Variants in PTPRU observed in about 807,000 individuals in gnomAD.
PTPRU encodes the protein protein tyrosine phosphatase receptor type U.
In PTPRU, 69 loss-of-function variants were observed where a neutral mutation model predicts 166.3. The observed-to-expected ratio is 0.41, with a 90% CI of 0.34 to 0.51. The LOEUF is 0.51. Ranked by LOEUF, PTPRU falls within the 20% of genes least tolerant of loss-of-function variation. The pLI, the probability that PTPRU is intolerant of heterozygous loss-of-function variation, is 0.09. For synonymous variants in PTPRU, 793 were observed against 814.0 expected (o/e 0.97, Z 0.44); for missense variants, 1,657 against 2,013.7 (o/e 0.82, Z 3.39).
rs776375990 is a variant in PTPRU at position 29,305,414 on chromosome 1, G to A, written c.2806G>A (p.Ala936Thr). The A allele has an allele frequency of 2.5e-6, 4 of 1,613,676 alleles. No homozygotes were observed. The East Asian group carries it at 8.9e-5, about 36-fold the overall frequency. Reference sequence around the variant, plus strand: ...AGACCCCAATGCCGACTACATTAATGCCAACTACATAGATGTGAGTGCCTT... The same window carrying A: ...AGACCCCAATGCCGACTACATTAATACCAACTACATAGATGTGAGTGCCTT... ...LGDPNADYIN[A>T]NYIDGYHRSN... The change falls in exon 18 of 30, where the codon GCC becomes ACC. Residue 936 changes from alanine to threonine, a missense_variant. Around this residue, in one of 3 missense-constraint regions of PTPRU, gnomAD observed 1,190 missense variants for 1,477.4 expected, o/e 0.81. Coordinates refer to ENST00000373779, the MANE Select transcript of PTPRU (RefSeq NM_133178.4).
chr1:29,279,150 GA>G lies in PTPRU; in HGVS notation c.1563+30del. 1 of 1,511,784 alleles carries G rather than the reference GA, an allele frequency of 6.6e-7. No individual in the cohort carries two copies. Among genetic ancestry groups the G allele is most frequent in the Non-Finnish European group, 9.0e-7 (1 of 1,110,148 alleles). 93.6% of individuals were successfully genotyped at this position (1,511,784 alleles called of 1,614,324 possible). ...GGTTTGGGACCCTATTACAGTGGGG[GA>G]CCCTGGTGGAAGGTGAGAGGTGGCC... is the stretch of plus-strand genomic sequence containing the variant. On this transcript the variant is annotated intron_variant, in intron 9 of 29. Coordinates refer to ENST00000373779, the MANE Select transcript of PTPRU (RefSeq NM_133178.4). The surrounding 1 kb of genome is among the most constrained non-coding windows in gnomAD (Gnocchi z 5.2).
At chr1:29,290,614 C>G (rs974013132) in intron 14 of PTPRU, among the ~76,000 whole-genome samples, 4 of 152,240 alleles carry the variant, frequency 2.6e-5, no homozygotes, top group Non-Finnish European at 5.9e-5. Context: ...CTGGACAGCT[C>G]CTTACCTTAG....
rs1279322068 is a variant in PTPRU, at chr1:29,257,418, G to T, written c.206-1087G>T. ...TCCCTGGGGAGCCCTCCTGGAGCGG[G>T]GATCTGAGTGAGCTTGTGTTGGCTG... On this transcript the variant is annotated intron_variant, in intron 2 of 29. Coordinates refer to ENST00000373779, the MANE Select transcript of PTPRU (RefSeq NM_133178.4). This position sits in a 1 kb window ranked among gnomAD's most constrained non-coding sequence, Gnocchi z 4.6. Among the ~76,000 whole-genome samples, 1 of 152,154 alleles carries T rather than the reference G, an allele frequency of 6.6e-6. No homozygotes were observed. The highest frequency in any genetic ancestry group is 2.4e-5 in the African/African-American group (1 of 41,426).
chr1:29,324,781 T>C (rs61442100), intron 28 of PTPRU, among the ~76,000 whole-genome samples: 5,854 of 152,230 alleles, frequency 0.038, 296 homozygotes, highest in African/African-American at 0.11. Flanking sequence ...CTGGGTTCCC[T>C]AGCCCCGCCC....
In PTPRU at chr1:29,316,087, C is replaced by T. The variant is rs1687888324; in HGVS notation, c.3449C>T (p.Thr1150Ile). ...TTIPVSEFKATYKEMIRIDPQ... is the reference protein window; with the variant it reads ...TTIPVSEFKAIYKEMIRIDPQ... ...ATCCCTGTCAGTGAGTTCAAGGCCA[C>T]CTACAAGGAGATGATCCGCATTGAT... Residue 1150 changes from threonine (T) to isoleucine (I), a missense_variant, in exon 24 of 30, where the codon ACC becomes ATC. Physicochemically the swap from Thr to Ile is moderately conservative, Grantham distance 89. Coordinates refer to ENST00000373779, the MANE Select transcript of PTPRU (RefSeq NM_133178.4). 1.9e-6 allele frequency: 3 copies of T among 1,614,060 alleles called. No homozygotes were observed. Among genetic ancestry groups the T allele is most frequent in the African/African-American group, 2.7e-5 (2 of 74,914 alleles).
In PTPRU at chr1:29,311,583, G is replaced by T. The variant is rs748828693; in HGVS notation, c.2955+30G>T. 12 of 1,613,914 alleles carry T rather than the reference G, an allele frequency of 7.4e-6. No individual in the cohort carries two copies. Among genetic ancestry groups the T allele is most frequent in the South Asian group, 2.2e-5 (2 of 91,080 alleles). Reference sequence around the variant, plus strand: ...GCCGGGCTGTGGGGCGAGCTGGGGCGCATGGCAGGCCAAGGGGGCAGCAAA... The same window carrying T: ...GCCGGGCTGTGGGGCGAGCTGGGGCTCATGGCAGGCCAAGGGGGCAGCAAA... On this transcript the variant is annotated intron_variant, in intron 20 of 29. Coordinates refer to ENST00000373779, the MANE Select transcript of PTPRU (RefSeq NM_133178.4). The surrounding 1 kb of genome is among the most constrained non-coding windows in gnomAD (Gnocchi z 4.1).
At chr1:29,304,567 TC>T (rs1221027615) in intron 16 of PTPRU, among the ~76,000 whole-genome samples, 30 of 152,028 alleles carry the variant, frequency 2.0e-4, no homozygotes, top group Non-Finnish European at 7.4e-5. Context: ...TCATTTCCCT[TC>T]CCCCCACATG....
chr1:29,273,550 T>C (rs1328652598), intron 7 of PTPRU, among the ~76,000 whole-genome samples: 1 of 152,176 alleles, frequency 6.6e-6, no homozygotes, highest in Non-Finnish European at 1.5e-5. Flanking sequence ...ATTACAGGTG[T>C]GAGCCACCAC....
At chr1:29,303,314 C>A (rs762116680) in intron 15 of PTPRU, among the ~76,000 whole-genome samples, 2 of 152,232 alleles carry the variant, frequency 1.3e-5, no homozygotes, top group African/African-American at 2.4e-5. Flanking sequence ...CCCACTCCCC[C>A]ACTGGCTGCG....
chr1:29,307,159 C>G, intron 18 of PTPRU: 1 of 1,612,062 alleles, frequency 6.2e-7, no homozygotes, highest in Non-Finnish European at 8.5e-7. Flanking sequence ...AAGTATCTCT[C>G]TCCCCTTCTC....
intron 15 of PTPRU, among the ~76,000 whole-genome samples, chr1:29,303,585 T>A (rs899631964): frequency 2.0e-5 from 3 of 152,170 alleles, no homozygotes; most frequent in Admixed American, 6.5e-5. Flanking sequence ...AGTGAGGGGA[T>A]AATGAAATCT....
intron 13 of PTPRU, among the ~76,000 whole-genome samples, 183 bp from the exon 14 acceptor site, chr1:29,284,548 C>T (rs1248238735): frequency 1.3e-5 from 2 of 152,056 alleles, no homozygotes; most frequent in Non-Finnish European, 1.5e-5. Flanking sequence ...AGGACTGTGG[C>T]GTGGAAGTGC....
Position 29,311,596 on chromosome 1 carries a change from A to G in PTPRU, c.2955+43A>G, listed in dbSNP as rs757431386. ...GCGAGCTGGGGCGCATGGCAGGCCA[A>G]GGGGGCAGCAAAGAGCCCACTGAGT... On this transcript the variant is annotated intron_variant, in intron 20 of 29. Coordinates refer to ENST00000373779, the MANE Select transcript of PTPRU (RefSeq NM_133178.4). This position sits in a 1 kb window ranked among gnomAD's most constrained non-coding sequence, Gnocchi z 4.1. 25 of 1,613,912 alleles carry G rather than the reference A, an allele frequency of 1.5e-5. No homozygotes were observed. The South Asian group carries it at 2.7e-4, about 18-fold the overall frequency.
At position 29,315,199 on chromosome 1, in the gene PTPRU, C is replaced by T. The variant is rs537686386; in HGVS notation, c.3228-173C>T. Among the ~76,000 whole-genome samples, 2 of 152,278 alleles carry T rather than the reference C, an allele frequency of 1.3e-5. No individual in the cohort carries two copies. Among genetic ancestry groups the T allele is most frequent in the African/African-American group, 4.8e-5 (2 of 41,552 alleles). On this transcript the variant is annotated intron_variant, in intron 22 of 29. Transcript: ENST00000373779. The surrounding 1 kb of genome is among the most constrained non-coding windows in gnomAD (Gnocchi z 4.5). Reference sequence around the variant, plus strand: ...TGTCCTCTAGCACATTTCACTAGAGCTCTTCCATCCAGCAGCCTGCGTCCT... The same window carrying T: ...TGTCCTCTAGCACATTTCACTAGAGTTCTTCCATCCAGCAGCCTGCGTCCT...
intron 18 of PTPRU, chr1:29,306,983 C>CCCAGT (rs1687419447): frequency 2.2e-6 from 2 of 917,454 alleles, no homozygotes; most frequent in Non-Finnish European, 3.4e-6. Context: ...TGTGGCTCAG[C>CCCAGT]CCAGCCCGGC....
chr1:29,258,210 C>A (rs1684857755), intron 2 of PTPRU, among the ~76,000 whole-genome samples: 1 of 152,194 alleles, frequency 6.6e-6, no homozygotes, highest in Non-Finnish European at 1.5e-5. Context: ...GGTGATTCAC[C>A]CACCTCAGCC....
intron 11 of PTPRU, among the ~76,000 whole-genome samples, chr1:29,282,209 CTGAATGAA>C (rs141805058): frequency 1.3e-5 from 2 of 152,252 alleles, no homozygotes; most frequent in Admixed American, 6.5e-5. Context: ...TCATCTCTTT[CTGAATGAA>C]TGAATGAATG....
In PTPRU at chr1:29,242,521, G is replaced by A. The variant is rs1482800575; in HGVS notation, c.73+5804G>A. On this transcript the variant is annotated intron_variant, in intron 1 of 29. Coordinates refer to ENST00000373779, the MANE Select transcript of PTPRU (RefSeq NM_133178.4). Reference sequence around the variant, plus strand: ...ATACGGTGGCTCCTGAGTCATGTATGGGTATTACATTTAAATTAATTAAAA... The same window carrying A: ...ATACGGTGGCTCCTGAGTCATGTATAGGTATTACATTTAAATTAATTAAAA... 2.6e-5 allele frequency among the ~76,000 whole-genome samples: 4 copies of A among 152,282 alleles called. No homozygotes were observed. In the East Asian group the frequency reaches 5.8e-4, roughly 22 times the overall value.
Position 29,291,829 on chromosome 1 carries a change from C to T in PTPRU, c.2319-40C>T. ...AGCCACCTCTGGGTGCTGTCCAGCC[C>T]CACACAATGCCTGTGTCTCCCCTCA... On this transcript the variant is annotated intron_variant, in intron 14 of 29. Transcript: ENST00000373779. The surrounding 1 kb of genome is among the most constrained non-coding windows in gnomAD (Gnocchi z 4.1). 2 of 1,607,182 alleles carry T rather than the reference C, an allele frequency of 1.2e-6. No homozygotes were observed. Among genetic ancestry groups the T allele is most frequent in the Non-Finnish European group, 1.7e-6 (2 of 1,176,224 alleles).
Sources: gnomAD v4.1 joint callset for allele counts (sites outside exome capture counted in the v4.1 genomes callset) on GRCh38, gnomAD v4.1.1 for gene constraint, gnomAD v4.1.1 regional missense constraint, Gnocchi (gnomAD v3.1) non-coding constraint, MANE v1.5 for transcripts, NCBI Gene and HGNC (gene_info 2026-07-23, HGNC 2026-07-21) for gene names.